The following PIK3R3 variants were observed in gnomAD, a reference collection of about 807,000 sequenced individuals.
PIK3R3 encodes the protein phosphoinositide-3-kinase regulatory subunit 3, also known as phosphatidylinositol 3-kinase regulatory subunit gamma.
Under a neutral mutation model 62.9 loss-of-function variants are expected in PIK3R3, and 64 were observed. That is an observed-to-expected ratio of 1.02 (90% CI 0.83 to 1.25). PIK3R3 has a LOEUF of 1.25. Among genes scored for constraint, PIK3R3 ranks in the 50% most tolerant of loss-of-function variants. PIK3R3 has a pLI of 0.00. For synonymous variants in PIK3R3, 165 were observed against 189.0 expected, an observed-to-expected ratio of 0.87 and a Z score of 1.04; for missense variants, 614 against 561.6, an observed-to-expected ratio of 1.09 and a Z score of -0.94.
the PIK3R3 span, among the ~76,000 whole-genome samples, chr1:46,148,001 G>A: frequency 1.3e-5 from 2 of 152,188 alleles, no homozygotes; most frequent in Non-Finnish European, 2.9e-5. Context: ...ATAATGCCAA[G>A]TTAAAACACT....
intron 2 of PIK3R3, among the ~76,000 whole-genome samples, chr1:46,079,301 A>G (rs1319251075): frequency 6.6e-6 from 1 of 152,212 alleles, no homozygotes; most frequent in East Asian, 1.9e-4. Flanking sequence ...AAAATACAAT[A>G]TTCAAATTAA....
the PIK3R3 span, among the ~76,000 whole-genome samples, chr1:46,145,110 T>TG: frequency 4.7e-5 from 7 of 147,462 alleles, no homozygotes; most frequent in South Asian, 1.5e-3. Flanking sequence ...GCAACAAGAA[T>TG]GAAACTCCAC....
chr1:46,100,254 C>T (rs1465281830), intron 1 of PIK3R3, among the ~76,000 whole-genome samples: 1 of 152,164 alleles, frequency 6.6e-6, no homozygotes, highest in African/African-American at 2.4e-5. Context: ...CATTCTCCCA[C>T]TTTTTTCTAA....
intron 1 of PIK3R3, among the ~76,000 whole-genome samples, chr1:46,094,344 T>C (rs546900881): frequency 6.6e-6 from 1 of 152,206 alleles, no homozygotes; most frequent in African/African-American, 2.4e-5. Flanking sequence ...TCTTGGATGT[T>C]AGGATATAAT....
intron 1 of PIK3R3, among the ~76,000 whole-genome samples, chr1:46,111,596 T>C (rs1653748896): frequency 6.6e-6 from 1 of 152,006 alleles, no homozygotes; most frequent in Non-Finnish European, 1.5e-5. Context: ...TGTAGCTGTG[T>C]GCACCTGTAA....
At chr1:46,045,495 A>C (rs1647084733) in intron 9 of PIK3R3, among the ~76,000 whole-genome samples, 1 of 152,154 alleles carries the variant, frequency 6.6e-6, no homozygotes, top group Admixed American at 6.5e-5. Context: ...AATAATATGT[A>C]ATTTAAAATT....
At chr1:46,142,562 G>C in the PIK3R3 span, among the ~76,000 whole-genome samples, 17 of 152,276 alleles carry the variant, frequency 1.1e-4, no homozygotes, top group African/African-American at 4.1e-4. Context: ...GCCAAGCGTG[G>C]TGGCGGGCGC....
Position 46,132,272 on chromosome 1 carries a change from G to A in PIK3R3, c.-320C>T, listed in dbSNP as rs756329947. ...CCTTTCTACACAGTCGCTCTCCGGGGAGAAAAGCTCCCACCGCCTCCAAAT... is the reference window on the plus strand; with the variant it reads ...CCTTTCTACACAGTCGCTCTCCGGGAAGAAAAGCTCCCACCGCCTCCAAAT... On this transcript the variant is annotated 5_prime_UTR_variant, in exon 1 of 10. Coordinates refer to ENST00000262741, the MANE Select transcript of PIK3R3 (RefSeq NM_003629.4). 5 of 1,127,036 alleles carry A rather than the reference G, an allele frequency of 4.4e-6. No homozygotes were observed. Among genetic ancestry groups the A allele is most frequent in the African/African-American group, 3.3e-5 (2 of 60,934 alleles). 69.8% of individuals were successfully genotyped at this position (1,127,036 alleles called of 1,614,324 possible).
intron 1 of PIK3R3, among the ~76,000 whole-genome samples, chr1:46,096,953 T>C (rs1461722754): frequency 1.3e-5 from 2 of 150,908 alleles, no homozygotes; most frequent in Non-Finnish European, 2.9e-5. Context: ...GAGGCCAGTC[T>C]TCCCGATACC....
chr1:46,144,687 G>A, the PIK3R3 span, among the ~76,000 whole-genome samples: 1 of 149,446 alleles, frequency 6.7e-6, no homozygotes, highest in Non-Finnish European at 1.5e-5. Context: ...AGAATCACTT[G>A]AACCCGGGAG....
chr1:46,065,687 C>A (rs1188463127), intron 5 of PIK3R3, among the ~76,000 whole-genome samples: 2 of 152,178 alleles, frequency 1.3e-5, no homozygotes, highest in Non-Finnish European at 2.9e-5. Flanking sequence ...GTTGTGATGG[C>A]TGATATTAGA....
At position 46,041,398 on chromosome 1, in the gene PIK3R3, G is replaced by GA; in HGVS notation, c.*2274dup. 1 of 172,646 alleles carries GA rather than the reference G, an allele frequency of 5.8e-6. No individual in the cohort carries two copies. Among genetic ancestry groups the GA allele is most frequent in the East Asian group, 1.1e-4 (1 of 9,456 alleles). 10.7% of individuals were successfully genotyped at this position (172,646 alleles called of 1,614,324 possible). A position where few individuals can be genotyped will look rare whatever the true frequency, so the allele number is the denominator to read the frequency against. ...AAAAAAAATGAAGGAATGTAGGACT[G>GA]AAAAAAAGCAGCCCTTCTCCACAAG... is the stretch of plus-strand genomic sequence containing the variant. On this transcript the variant is annotated 3_prime_UTR_variant, in exon 10 of 10. Coordinates refer to ENST00000262741, the MANE Select transcript of PIK3R3 (RefSeq NM_003629.4).
At chr1:46,126,363 C>T (rs1311894788) in intron 1 of PIK3R3, among the ~76,000 whole-genome samples, 1 of 150,954 alleles carries the variant, frequency 6.6e-6, no homozygotes, top group Non-Finnish European at 1.5e-5. Context: ...CATGATAAAA[C>T]CCCGTCTCTA....
Position 46,052,000 on chromosome 1 carries a change from T to C in PIK3R3, c.941+3795A>G, listed in dbSNP as rs182913066. On this transcript the variant is annotated intron_variant, in intron 7 of 9. Coordinates refer to ENST00000262741, the MANE Select transcript of PIK3R3 (RefSeq NM_003629.4). ...AAAAAATAAAAAAATTAGCTGGGCA[T>C]GGTGGCAGGCGCCTGTAGTCCCAGC... Among the ~76,000 whole-genome samples the C allele has an allele frequency of 3.2e-3, 494 of 152,142 alleles. 3 individuals are homozygous for C. Among genetic ancestry groups the C allele is most frequent in the African/African-American group, 0.011 (461 of 41,502 alleles).
chr1:46,082,700 T>C (rs1650710343), intron 1 of PIK3R3, among the ~76,000 whole-genome samples: 1 of 152,212 alleles, frequency 6.6e-6, no homozygotes, highest in African/African-American at 2.4e-5. Flanking sequence ...TCTTTTTTCT[T>C]AATTTAACCA....
chr1:46,149,213 A>G, the PIK3R3 span, among the ~76,000 whole-genome samples: 1 of 152,094 alleles, frequency 6.6e-6, no homozygotes, highest in Admixed American at 6.6e-5. Flanking sequence ...ACCTGAGGTC[A>G]GGAGTTGAAG....
In PIK3R3 at chr1:46,132,104, C is replaced by T. The variant is rs879311421; in HGVS notation, c.-152G>A. ...GCCAGTACCAGTCCGGCCAAACTACCCGAACAGGGTCCTCCCCCTCTCTCC... is the reference window on the plus strand; with the variant it reads ...GCCAGTACCAGTCCGGCCAAACTACTCGAACAGGGTCCTCCCCCTCTCTCC... On this transcript the variant is annotated 5_prime_UTR_variant, in exon 1 of 10. Transcript: ENST00000262741. 65 of 1,422,828 alleles carry T rather than the reference C, an allele frequency of 4.6e-5. No homozygotes were observed. Among genetic ancestry groups the T allele is most frequent in the Non-Finnish European group, 5.5e-5 (60 of 1,092,938 alleles). The allele number at this position is 1,422,828 out of a possible 1,614,324, so 88.1% of individuals were successfully genotyped here.
chr1:46,090,409 G>C (rs1651513190), intron 1 of PIK3R3, among the ~76,000 whole-genome samples: 1 of 151,978 alleles, frequency 6.6e-6, no homozygotes, highest in Non-Finnish European at 1.5e-5. Context: ...TCGGCTCACT[G>C]CAACCTCCAC....
chr1:46,108,805 G>C lies in PIK3R3; in HGVS notation c.106+23042C>G, dbSNP rs112419111. ...CAAATCACACAGCCCTAAATATTCA[G>C]TCTTAACTCTATTCTACTCCACCAA... On this transcript the variant is annotated intron_variant, in intron 1 of 9. Coordinates refer to ENST00000262741, the MANE Select transcript of PIK3R3 (RefSeq NM_003629.4). Among the ~76,000 whole-genome samples the C allele has an allele frequency of 2.9e-3, 440 of 152,174 alleles. 4 individuals carry two copies. Among genetic ancestry groups the C allele is most frequent in the African/African-American group, 0.01 (423 of 41,522 alleles).
Sources: gnomAD v4.1 joint callset for allele counts (sites outside exome capture counted in the v4.1 genomes callset) on GRCh38, gnomAD v4.1.1 for gene constraint, MANE v1.5 for transcripts, NCBI Gene and HGNC (gene_info 2026-07-23, HGNC 2026-07-21) for gene names.